TFCP2L1: variants seen among roughly 807,000 people sequenced by gnomAD.
The protein encoded by TFCP2L1 is transcription factor CP2-like protein 1.
Under a neutral mutation model 72.2 loss-of-function variants are expected in TFCP2L1, and 12 were observed. That is an observed-to-expected ratio of 0.17 (90% CI 0.11 to 0.27). The LOEUF (loss-of-function observed/expected upper bound fraction) is 0.27, where lower values mean the gene tolerates loss of function less well. TFCP2L1 is among the 10% of genes least tolerant of loss of function. TFCP2L1 has a pLI of 1.00. For missense variants in TFCP2L1, 488 were observed against 624.6 expected, an observed-to-expected ratio of 0.78 and a Z score of 2.33; for synonymous variants, 260 against 251.0, an observed-to-expected ratio of 1.04 and a Z score of -0.34.
intron 8 of TFCP2L1, among the ~76,000 whole-genome samples, chr2:121,238,430 G>A (rs1303391571): frequency 6.6e-6 from 1 of 152,190 alleles, no homozygotes; most frequent in Non-Finnish European, 1.5e-5. Flanking sequence ...GCCAGGTTGG[G>A]GATGAGGCAC....
At chr2:121,271,741 C>CATTTAT (rs1307983917) in intron 2 of TFCP2L1, among the ~76,000 whole-genome samples, 1 of 152,166 alleles carries the variant, frequency 6.6e-6, no homozygotes, top group East Asian at 1.9e-4. Context: ...TGAGGAAACT[C>CATTTAT]GGGCTCCAAA....
chr2:121,227,324 G>A (rs1353218668), intron 13 of TFCP2L1, among the ~76,000 whole-genome samples: 2 of 152,166 alleles, frequency 1.3e-5, no homozygotes, highest in Non-Finnish European at 2.9e-5. Context: ...GTATAAGTAA[G>A]TTTTACAAAT....
chr2:121,225,047 C>G (rs1038634192), intron 14 of TFCP2L1, among the ~76,000 whole-genome samples: 7 of 151,848 alleles, frequency 4.6e-5, no homozygotes, highest in South Asian at 2.1e-4. Context: ...GTGGCCTCAT[C>G]ATGGTCCAGG....
intron 6 of TFCP2L1, among the ~76,000 whole-genome samples, chr2:121,243,918 C>T (rs1307988860): frequency 4.6e-5 from 7 of 152,270 alleles, no homozygotes; most frequent in Admixed American, 3.9e-4. Flanking sequence ...CGTGGAAAAA[C>T]GGTCTTCCAC....
chr2:121,243,643 C>G (rs555741852), intron 6 of TFCP2L1, among the ~76,000 whole-genome samples: 1 of 152,140 alleles, frequency 6.6e-6, no homozygotes, highest in Admixed American at 6.6e-5. Context: ...GAGGGCAAAA[C>G]CTTTTGTGAA....
intron 2 of TFCP2L1, among the ~76,000 whole-genome samples, chr2:121,252,262 G>T (rs892379106): frequency 6.6e-6 from 1 of 152,118 alleles, no homozygotes; most frequent in Non-Finnish European, 1.5e-5. Flanking sequence ...GCCAAGGCTG[G>T]TCTCAAACTC....
chr2:121,249,388 C>T (rs939912469), intron 3 of TFCP2L1, among the ~76,000 whole-genome samples, 183 bp downstream of exon 3: 3 of 152,128 alleles, frequency 2.0e-5, no homozygotes, highest in Non-Finnish European at 2.9e-5. Context: ...CCATCTAATC[C>T]CCACCTGGGC....
At chr2:121,276,985 T>A (rs1315382411) in intron 2 of TFCP2L1, among the ~76,000 whole-genome samples, 1 of 150,942 alleles carries the variant, frequency 6.6e-6, no homozygotes, top group Admixed American at 6.6e-5. Flanking sequence ...ACCATAAATA[T>A]AGTTATCACC....
chr2:121,241,940 C>A (rs939661119), intron 7 of TFCP2L1, among the ~76,000 whole-genome samples: 1 of 152,064 alleles, frequency 6.6e-6, no homozygotes, highest in Non-Finnish European at 1.5e-5. Flanking sequence ...GCTTCACCTG[C>A]AGACAAAGTT....
intron 6 of TFCP2L1, 136 bp downstream of exon 6, chr2:121,246,682 G>C: frequency 8.7e-7 from 1 of 1,149,114 alleles, no homozygotes; most frequent in Non-Finnish European, 1.2e-6. Context: ...TAGAAGCCCA[G>C]GTAGAAGCCA....
intron 2 of TFCP2L1, among the ~76,000 whole-genome samples, chr2:121,261,786 T>A (rs960767553): frequency 6.6e-6 from 1 of 152,094 alleles, no homozygotes; most frequent in Non-Finnish European, 1.5e-5. Flanking sequence ...ACCCCAAGAT[T>A]ATTTATCAAT....
intron 2 of TFCP2L1, among the ~76,000 whole-genome samples, chr2:121,277,927 A>G (rs1480402672): frequency 6.6e-6 from 1 of 152,180 alleles, no homozygotes; most frequent in African/African-American, 2.4e-5. Flanking sequence ...AACTTTCTAT[A>G]AAGTAGATTA....
Position 121,281,000 on chromosome 2 carries a change from C to T in TFCP2L1, c.214+120G>A, listed in dbSNP as rs374271633. On this transcript the variant is annotated intron_variant, in intron 2 of 14. Transcript: ENST00000263707. ...CTGAACCTGCACCTGTTCTCTTTCCCGAGCCCGACCTCGCCCGACCTCACC... is the reference window on the plus strand; with the variant it reads ...CTGAACCTGCACCTGTTCTCTTTCCTGAGCCCGACCTCGCCCGACCTCACC... The T allele has an allele frequency of 1.8e-5, 23 of 1,313,482 alleles. No homozygotes were observed. The African/African-American group carries it at 2.4e-4, about 13-fold the overall frequency. The allele number at this position is 1,313,482 out of a possible 1,614,324, so 81.4% of individuals were successfully genotyped here.
chr2:121,255,891 C>T (rs1025850994), intron 2 of TFCP2L1, among the ~76,000 whole-genome samples: 6 of 152,214 alleles, frequency 3.9e-5, no homozygotes, highest in African/African-American at 1.4e-4. Context: ...TGCAGGCGCC[C>T]GCCACCTCGC....
Position 121,218,566 on chromosome 2 carries a change from C to A in TFCP2L1, c.*5775G>T, listed in dbSNP as rs1025434455. 5 of 152,338 alleles carry A rather than the reference C, an allele frequency of 3.3e-5. No homozygotes were observed. Among genetic ancestry groups the A allele is most frequent in the Non-Finnish European group, 5.9e-5 (4 of 68,106 alleles). The allele number at this position is 152,338 out of a possible 1,614,324, so 9.4% of individuals were successfully genotyped here. ...AAGGGCATGAGGACAGGTTCCCACT[C>A]TGGCCCTTCGCTGGGGGACATGGTT... On this transcript the variant is annotated 3_prime_UTR_variant, in exon 15 of 15. Transcript: ENST00000263707.
At chr2:121,279,196 A>T (rs1687207243) in intron 2 of TFCP2L1, among the ~76,000 whole-genome samples, 1 of 152,204 alleles carries the variant, frequency 6.6e-6, no homozygotes, top group Non-Finnish European at 1.5e-5. Flanking sequence ...AGCTCAATGG[A>T]TGCTATAAAC....
chr2:121,271,742 G>A (rs531323027), intron 2 of TFCP2L1, among the ~76,000 whole-genome samples: 10 of 152,164 alleles, frequency 6.6e-5, no homozygotes, highest in Admixed American at 3.9e-4. Context: ...GAGGAAACTC[G>A]GGCTCCAAAG....
chr2:121,240,682 G>A, intron 7 of TFCP2L1: 2 of 985,414 alleles, frequency 2.0e-6, no homozygotes, highest in Non-Finnish European at 1.2e-6. Context: ...GAGCAGAGAG[G>A]TTGAGGCTGT....
chr2:121,236,219 C>T (rs145914558), intron 10 of TFCP2L1, among the ~76,000 whole-genome samples: 86 of 152,324 alleles, frequency 5.6e-4, no homozygotes, highest in African/African-American at 2.1e-3. Context: ...CGTTCTCATA[C>T]ATGTCTTTGT....
Sources: gnomAD v4.1 joint callset for allele counts (sites outside exome capture counted in the v4.1 genomes callset) on GRCh38, gnomAD v4.1.1 for gene constraint, MANE v1.5 for transcripts, NCBI Gene and HGNC (gene_info 2026-07-23, HGNC 2026-07-21) for gene names.